FHIT: variants seen among roughly 807,000 people sequenced by gnomAD.
FHIT encodes the protein bis(5'-adenosyl)-triphosphatase.
In FHIT, 19 loss-of-function variants were observed where a neutral mutation model predicts 17.9. The observed-to-expected ratio is 1.06, with a 90% CI of 0.74 to 1.56. The LOEUF is 1.56. Ranked by LOEUF, FHIT falls within the 40% of genes most tolerant of loss-of-function variation. FHIT has a pLI of 0.00. For missense variants in FHIT, 248 were observed against 189.2 expected, an observed-to-expected ratio of 1.31 and a Z score of -1.82; for synonymous variants, 81 against 69.7, an observed-to-expected ratio of 1.16 and a Z score of -0.81.
chr3:59,920,569 G>T (rs1705353292), intron 8 of FHIT, among the ~76,000 whole-genome samples: 1 of 152,170 alleles, frequency 6.6e-6, no homozygotes, highest in African/African-American at 2.4e-5. Context: ...TTTAAGCACA[G>T]TTGGAACATC....
chr3:60,199,099 A>G lies in FHIT; in HGVS notation c.104-184947T>C, dbSNP rs370064056. 2.6e-5 allele frequency among the ~76,000 whole-genome samples: 4 copies of G among 152,314 alleles called. No homozygotes were observed. In the East Asian group the frequency reaches 7.7e-4, roughly 29 times the overall value. On this transcript the variant is annotated intron_variant, in intron 5 of 9. Transcript: ENST00000492590. The stretch of plus-strand genomic sequence containing the variant: ...TGCTTCATTATTTCTGTGCAAAAGA[A>G]GAGCAAATACAGTGGATTTAGTAGC...
intron 5 of FHIT, among the ~76,000 whole-genome samples, chr3:60,086,878 T>A (rs986940752): frequency 6.6e-6 from 1 of 152,180 alleles, no homozygotes; most frequent in South Asian, 2.1e-4. Flanking sequence ...GGTGGCTGTA[T>A]AATTTGGGAG....
intron 4 of FHIT, among the ~76,000 whole-genome samples, chr3:60,611,059 G>T (rs1278274497): frequency 6.6e-6 from 1 of 152,138 alleles, no homozygotes; most frequent in Non-Finnish European, 1.5e-5. Context: ...CTAGCCAAGG[G>T]GTCCAGCTGT....
intron 8 of FHIT, among the ~76,000 whole-genome samples, chr3:59,770,927 T>C (rs1702046430): frequency 6.6e-6 from 1 of 152,100 alleles, no homozygotes; most frequent in African/African-American, 2.4e-5. Context: ...ATCCCAGAAG[T>C]GGATGAAGCA....
At chr3:60,701,868 G>C (rs2041256153) in intron 4 of FHIT, among the ~76,000 whole-genome samples, 1 of 152,156 alleles carries the variant, frequency 6.6e-6, no homozygotes, top group Non-Finnish European at 1.5e-5. Flanking sequence ...ACTATAAACT[G>C]AGTTCCTCCC....
chr3:61,046,845 A>C (rs1238421621), intron 2 of FHIT, among the ~76,000 whole-genome samples: 4 of 152,236 alleles, frequency 2.6e-5, no homozygotes, highest in Admixed American at 6.5e-5. Flanking sequence ...AACATATGCA[A>C]ATCAAAAAAC....
intron 4 of FHIT, among the ~76,000 whole-genome samples, chr3:60,805,945 C>T (rs1280342442): frequency 2.0e-5 from 3 of 152,032 alleles, no homozygotes; most frequent in South Asian, 2.1e-4. Flanking sequence ...TGTATCAATT[C>T]AGGGGAATAC....
intron 2 of FHIT, among the ~76,000 whole-genome samples, chr3:61,157,884 G>A (rs1484269198): frequency 6.6e-6 from 1 of 152,082 alleles, no homozygotes; most frequent in Non-Finnish European, 1.5e-5. Context: ...GTTAGTAGTT[G>A]GTTACCTCTT....
At chr3:60,664,956 T>C (rs2040348205) in intron 4 of FHIT, among the ~76,000 whole-genome samples, 1 of 151,978 alleles carries the variant, frequency 6.6e-6, no homozygotes, top group South Asian at 2.1e-4. Context: ...TTTAATTCCA[T>C]TGATTTATTC....
intron 3 of FHIT, among the ~76,000 whole-genome samples, chr3:60,887,554 G>A (rs1705284541): frequency 6.6e-6 from 1 of 152,092 alleles, no homozygotes; most frequent in Non-Finnish European, 1.5e-5. Context: ...GCTGAGGCAG[G>A]AGAGTCGCTT....
chr3:59,913,903 T>A (rs1036099218), intron 8 of FHIT, among the ~76,000 whole-genome samples: 13 of 152,190 alleles, frequency 8.5e-5, no homozygotes, highest in Non-Finnish European at 1.5e-4. Context: ...ATTTCCTTGA[T>A]TAGAAAGAAA....
At chr3:60,710,183 C>A (rs2041484735) in intron 4 of FHIT, among the ~76,000 whole-genome samples, 4 of 151,002 alleles carry the variant, frequency 2.6e-5, no homozygotes. Flanking sequence ...TTTTTTTTAA[C>A]CATAGTGCAT....
chr3:61,126,208 C>T (rs9880620), intron 2 of FHIT, among the ~76,000 whole-genome samples: 37,243 of 151,890 alleles, frequency 0.25, 4,795 homozygotes, highest in African/African-American at 0.33. Flanking sequence ...CAGACACCAT[C>T]CTAGGCAGCA....
chr3:60,501,955 C>T (rs12493686), intron 5 of FHIT, among the ~76,000 whole-genome samples: 27,745 of 152,132 alleles, frequency 0.18, 2,692 homozygotes, highest in Middle Eastern at 0.23. Context: ...AAGCAGCATA[C>T]GCATAAATGA....
At chr3:60,827,411 T>C (rs1702162995) in intron 3 of FHIT, among the ~76,000 whole-genome samples, 1 of 152,206 alleles carries the variant, frequency 6.6e-6, no homozygotes, top group African/African-American at 2.4e-5. Context: ...TTTGTACGTG[T>C]CATCCTAAAA....
chr3:60,048,264 C>A (rs1042480860), intron 5 of FHIT, among the ~76,000 whole-genome samples: 1 of 152,160 alleles, frequency 6.6e-6, no homozygotes, highest in Non-Finnish European at 1.5e-5. Flanking sequence ...GCACCTTCTG[C>A]CTCCTGGGTT....
At chr3:60,569,433 C>A (rs1193936916) in intron 4 of FHIT, among the ~76,000 whole-genome samples, 4 of 151,990 alleles carry the variant, frequency 2.6e-5, no homozygotes, top group African/African-American at 9.7e-5. Context: ...AGATCCACTG[C>A]TTACATAGTA....
intron 4 of FHIT, among the ~76,000 whole-genome samples, chr3:60,593,090 GA>G (rs1321600371): frequency 1.3e-5 from 2 of 152,216 alleles, no homozygotes; most frequent in African/African-American, 2.4e-5. Context: ...CATCTAGGGG[GA>G]AAATGTGGGC....
chr3:59,905,647 T>C (rs1467335326), intron 8 of FHIT, among the ~76,000 whole-genome samples: 1 of 152,168 alleles, frequency 6.6e-6, no homozygotes, highest in Non-Finnish European at 1.5e-5. Context: ...CTATGAGACT[T>C]AAAAATTTTT....
Sources: allele counts gnomAD v4.1 joint callset (sites outside exome capture counted in the v4.1 genomes callset), GRCh38; gene constraint gnomAD v4.1.1; transcripts MANE v1.5; gene names NCBI Gene and HGNC (gene_info 2026-07-23, HGNC 2026-07-21).